The following CPLX2 variants were observed in gnomAD, a reference collection of about 807,000 sequenced individuals.
CPLX2 encodes complexin 2.
A neutral mutation model predicts 16.3 loss-of-function variants in CPLX2; 5 were observed. The observed-to-expected ratio is 0.31, with a 90% confidence interval of 0.16 to 0.64. CPLX2 has a LOEUF of 0.64. Among genes scored for constraint, CPLX2 ranks in the 30% least tolerant of loss-of-function variants. CPLX2 has a pLI of 0.79. For missense variants in CPLX2, 144 were observed against 181.4 expected, an observed-to-expected ratio of 0.79 and a Z score of 1.18; for synonymous variants, 89 against 73.2, an observed-to-expected ratio of 1.22 and a Z score of -1.10.
At chr5:175,867,504 C>T (rs1057221959), upstream of CPLX2, among the ~76,000 whole-genome samples, 1 of 152,120 alleles carries the variant, frequency 6.6e-6, no homozygotes, top group African/African-American at 2.4e-5. Context: ...GTAAATGGTG[C>T]CCTCTGTGGT....
intron 2 of CPLX2, among the ~76,000 whole-genome samples, chr5:175,852,173 T>G (rs1339067347): frequency 1.3e-5 from 2 of 152,172 alleles, no homozygotes; most frequent in Non-Finnish European, 2.9e-5. Context: ...CCAGGAACAC[T>G]CTGATAGCCT....
intron 2 of CPLX2, among the ~76,000 whole-genome samples, chr5:175,831,783 T>C (rs1329079249): frequency 6.6e-6 from 1 of 152,072 alleles, no homozygotes; most frequent in Non-Finnish European, 1.5e-5. Context: ...ATGCAGAGAA[T>C]TCCAAAGCAG....
chr5:175,835,904 A>C (rs1256908592), intron 2 of CPLX2, among the ~76,000 whole-genome samples: 1 of 151,540 alleles, frequency 6.6e-6, no homozygotes, highest in African/African-American at 2.4e-5. Flanking sequence ...ACGCCTAGCT[A>C]AGTTTCATAT....
chr5:175,876,885 T>C (rs1190761983), intron 1 of CPLX2, among the ~76,000 whole-genome samples: 5 of 152,246 alleles, frequency 3.3e-5, no homozygotes, highest in Non-Finnish European at 5.9e-5. Flanking sequence ...ACATCTTGAC[T>C]GAGCTGAGCA....
chr5:175,878,972 A>G lies in CPLX2; in HGVS notation c.96A>G (p.Lys32=). The G allele has an allele frequency of 1.2e-6, 2 of 1,609,404 alleles. No individual in the cohort carries two copies. The highest frequency in any genetic ancestry group is 1.7e-5 in the Admixed American group (1 of 59,700). ...GEEEKDPDAQ[K]KEEERQEALR... is the part of the protein sequence containing the mutation. ...AGGAGAAGGACCCCGACGCGCAGAA[A>G]AAGGAGGAGGAGCGGCAGGAGGCGC... Residue 32 remains lysine (K), a synonymous_variant, in exon 3 of 4, where the codon AAA becomes AAG. Coordinates refer to ENST00000393745, the MANE Select transcript of CPLX2 (RefSeq NM_001008220.2).
At chr5:175,831,487 C>T (rs1758735065) in intron 2 of CPLX2, among the ~76,000 whole-genome samples, 1 of 152,180 alleles carries the variant, frequency 6.6e-6, no homozygotes, top group African/African-American at 2.4e-5. Context: ...CCAACAGGGC[C>T]CATCTTCTCC....
At chr5:175,857,319 G>C (rs1348967284) in intron 2 of CPLX2, among the ~76,000 whole-genome samples, 1 of 152,174 alleles carries the variant, frequency 6.6e-6, no homozygotes, top group Non-Finnish European at 1.5e-5. Flanking sequence ...GGACATCCCT[G>C]TCCTGTCTTT....
chr5:175,798,344 T>A (rs1379379976), intron 1 of CPLX2, among the ~76,000 whole-genome samples: 1 of 152,200 alleles, frequency 6.6e-6, no homozygotes, highest in Admixed American at 6.5e-5. Flanking sequence ...TCTGTAAACT[T>A]GTACTGGGGA....
chr5:175,842,595 C>A (rs528270436), intron 2 of CPLX2, among the ~76,000 whole-genome samples: 1 of 152,250 alleles, frequency 6.6e-6, no homozygotes, highest in African/African-American at 2.4e-5. Context: ...TCCAGCACCC[C>A]GTGGAAGGAC....
At chr5:175,811,632 C>T (rs1017924216) in intron 2 of CPLX2, among the ~76,000 whole-genome samples, 1 of 152,006 alleles carries the variant, frequency 6.6e-6, no homozygotes, top group Non-Finnish European at 1.5e-5. Flanking sequence ...TTGGGCCCAC[C>T]GAGAGAGAAG....
rs548007825 is a variant in CPLX2, at chr5:175,874,289, T to C, written c.-89+2584T>C. On this transcript the variant is annotated intron_variant, in intron 1 of 3. Transcript: ENST00000393745. ...GTGGAGGGTGGGGATGTAGGCAGCATTGCAAAGCTACAGCGTCTGGACTTC... is the reference window on the plus strand; with the variant it reads ...GTGGAGGGTGGGGATGTAGGCAGCACTGCAAAGCTACAGCGTCTGGACTTC... Among the ~76,000 whole-genome samples, 20 of 152,214 alleles carry C rather than the reference T, an allele frequency of 1.3e-4. No homozygotes were observed. In the South Asian group the frequency reaches 3.5e-3, roughly 27 times the overall value.
intron 1 of CPLX2, among the ~76,000 whole-genome samples, chr5:175,799,705 AT>A (rs991180466): frequency 1.3e-5 from 2 of 149,092 alleles, no homozygotes; most frequent in African/African-American, 2.5e-5. Flanking sequence ...TTTTATTTTT[AT>A]TTTTTTTGTA....
intron 2 of CPLX2, chr5:175,837,863 G>A (rs1758866576): frequency 6.6e-6 from 1 of 152,234 alleles, no homozygotes; most frequent in African/African-American, 2.4e-5. Context: ...CGGACACTGG[G>A]ATGCTACATT....
At chr5:175,870,449 C>T (rs1759565978), upstream of CPLX2, among the ~76,000 whole-genome samples, 2 of 152,166 alleles carry the variant, frequency 1.3e-5, no homozygotes, top group Non-Finnish European at 2.9e-5. Flanking sequence ...AAGGAGAAGC[C>T]ATCTCCACTC....
intron 2 of CPLX2, among the ~76,000 whole-genome samples, chr5:175,825,710 C>T (rs865951866): frequency 5.9e-5 from 9 of 152,088 alleles, no homozygotes; most frequent in African/African-American, 1.9e-4. Flanking sequence ...GCTTCCACAT[C>T]TGGTTTTATT....
chr5:175,857,252 T>C (rs1759276028), intron 2 of CPLX2, among the ~76,000 whole-genome samples: 1 of 152,198 alleles, frequency 6.6e-6, no homozygotes, highest in Admixed American at 6.5e-5. Flanking sequence ...ATCTTCAGCA[T>C]GGGCCTCATC....
At chr5:175,837,868 TA>T (rs1758866663) in intron 2 of CPLX2, 1 of 152,220 alleles carries the variant, frequency 6.6e-6, no homozygotes, top group African/African-American at 2.4e-5. Context: ...ACTGGGATGC[TA>T]CATTGAACCA....
intron 2 of CPLX2, among the ~76,000 whole-genome samples, chr5:175,813,873 G>A (rs142120613): frequency 2.6e-5 from 4 of 152,270 alleles, no homozygotes; most frequent in East Asian, 1.9e-4. Context: ...GACTTCAGCC[G>A]GCAACAGTAA....
intron 2 of CPLX2, among the ~76,000 whole-genome samples, chr5:175,852,620 A>C (rs1759179716): frequency 6.6e-6 from 1 of 152,188 alleles, no homozygotes; most frequent in Admixed American, 6.5e-5. Context: ...AGGGAAACTG[A>C]GGATCAGAGA....
Sources: gnomAD v4.1 joint callset for allele counts (sites outside exome capture counted in the v4.1 genomes callset) on GRCh38, gnomAD v4.1.1 for gene constraint, MANE v1.5 for transcripts, NCBI Gene and HGNC (gene_info 2026-07-23, HGNC 2026-07-21) for gene names.